Variants in ANKS1B observed in about 807,000 individuals in gnomAD.
ANKS1B encodes ankyrin repeat and sterile alpha motif domain containing 1B.
Under a neutral mutation model 148.3 loss-of-function variants are expected in ANKS1B, and 36 were observed. The observed-to-expected ratio is 0.24, with a 90% CI of 0.19 to 0.32. The LOEUF is 0.32. Among genes scored for constraint, ANKS1B ranks in the 10% least tolerant of loss-of-function variants. The probability of loss-of-function intolerance (pLI) is 1.00; values close to 1 mark genes in which losing one functional copy is unlikely to be tolerated. For missense variants in ANKS1B, 1,157 were observed against 1,542.6 expected, an observed-to-expected ratio of 0.75 and a Z score of 4.19; for synonymous variants, 542 against 560.8, an observed-to-expected ratio of 0.97 and a Z score of 0.47.
Position 99,984,747 on chromosome 12 carries a change from C to CGCGGCGGGGAGGAGCGCG in ANKS1B, c.-528_-511dup, listed in dbSNP as rs1481885971. ...TCGGCGGTTACGCGGGGGCGGCGTCCGCGGCGGGGAGGAGCGCGGCGGCGG... is the reference window on the plus strand; with the variant it reads ...TCGGCGGTTACGCGGGGGCGGCGTCCGCGGCGGGGAGGAGCGCGGCGGCGGGGAGGAGCGCGGCGGCGG... On this transcript the variant is annotated 5_prime_UTR_variant, in exon 1 of 27. Coordinates refer to ENST00000683438, the MANE Select transcript of ANKS1B (RefSeq NM_001352186.2). 1.3e-5 allele frequency: 2 copies of CGCGGCGGGGAGGAGCGCG among 149,198 alleles called. No homozygotes were observed. The highest frequency in any genetic ancestry group is 4.9e-5 in the African/African-American group (2 of 40,922). The allele number at this position is 149,198 out of a possible 1,614,324, so 9.2% of individuals were successfully genotyped here.
intron 12 of ANKS1B, among the ~76,000 whole-genome samples, chr12:99,386,962 A>G (rs2093884730): frequency 6.6e-6 from 1 of 152,242 alleles, no homozygotes; most frequent in African/African-American, 2.4e-5. Context: ...CAGTGATTCA[A>G]TAATTTGCCA....
chr12:99,123,419 T>C (rs1029655985), intron 15 of ANKS1B, among the ~76,000 whole-genome samples: 4 of 152,142 alleles, frequency 2.6e-5, no homozygotes, highest in African/African-American at 9.7e-5. Flanking sequence ...CCTGTATGAC[T>C]GGGGTATTAG....
chr12:98,780,982 T>C, intron 24 of ANKS1B, 135 bp downstream of exon 24: 3 of 609,062 alleles, frequency 4.9e-6, no homozygotes, highest in African/African-American at 1.9e-5. Flanking sequence ...TATAGGTATA[T>C]GTAGGAAGCA....
intron 1 of ANKS1B, among the ~76,000 whole-genome samples, chr12:99,861,636 GCT>G (rs767293908): frequency 4.6e-5 from 7 of 152,070 alleles, no homozygotes; most frequent in Non-Finnish European, 8.8e-5. Flanking sequence ...AAGCCCAAAA[GCT>G]CTGATATCTC....
intron 12 of ANKS1B, among the ~76,000 whole-genome samples, chr12:99,364,217 A>C (rs2092643898): frequency 6.6e-6 from 1 of 152,150 alleles, no homozygotes; most frequent in Non-Finnish European, 1.5e-5. Context: ...GGACTCATGC[A>C]AAGTACAGTG....
intron 9 of ANKS1B, among the ~76,000 whole-genome samples, chr12:99,608,438 G>A (rs2097868373): frequency 6.6e-6 from 1 of 152,122 alleles, no homozygotes; most frequent in Admixed American, 6.6e-5. Flanking sequence ...TAATACCTGT[G>A]AATTTGGAAA....
rs191318960 is a variant in ANKS1B at position 99,086,554 on chromosome 12, G to C, written c.2527-1531C>G. 2.0e-5 allele frequency among the ~76,000 whole-genome samples: 3 copies of C among 152,208 alleles called. No homozygotes were observed. The East Asian group carries it at 5.8e-4, about 29-fold the overall frequency. On this transcript the variant is annotated intron_variant, in intron 15 of 26. Transcript: ENST00000683438. ...ATTTAGAAACATTATTTTGATTTCT[G>C]GGGCTGGGCCTCAGTTTCCCTACCT...
intron 11 of ANKS1B, among the ~76,000 whole-genome samples, chr12:99,442,513 T>TTA (rs1555433625): frequency 3.6e-5 from 2 of 55,334 alleles, no homozygotes; most frequent in African/African-American, 3.7e-4. Flanking sequence ...TATACTAAAG[T>TTA]AAAAAAAAAG....
intron 17 of ANKS1B, among the ~76,000 whole-genome samples, chr12:98,858,216 G>T (rs1355391752): frequency 6.6e-6 from 1 of 152,176 alleles, no homozygotes; most frequent in Non-Finnish European, 1.5e-5. Context: ...TGAAAAGACA[G>T]CTCTAGATTA....
At chr12:99,349,447 C>A (rs1174805444) in intron 12 of ANKS1B, among the ~76,000 whole-genome samples, 1 of 151,546 alleles carries the variant, frequency 6.6e-6, no homozygotes, top group Non-Finnish European at 1.5e-5. Flanking sequence ...CATTTTAGAT[C>A]CAAAGACACA....
At chr12:99,459,679 T>G (rs1309186904) in intron 10 of ANKS1B, among the ~76,000 whole-genome samples, 1 of 150,504 alleles carries the variant, frequency 6.6e-6, no homozygotes, top group Non-Finnish European at 1.5e-5. Flanking sequence ...AAAAAAAAAT[T>G]AGGAATATAC....
At chr12:99,612,143 G>A (rs936455595) in intron 9 of ANKS1B, among the ~76,000 whole-genome samples, 1 of 152,056 alleles carries the variant, frequency 6.6e-6, no homozygotes, top group South Asian at 2.1e-4. Context: ...TAAGCCCCAA[G>A]CAATGCAAAG....
chr12:99,279,785 G>T (rs765058621), intron 12 of ANKS1B, among the ~76,000 whole-genome samples: 3 of 152,028 alleles, frequency 2.0e-5, no homozygotes, highest in Admixed American at 6.6e-5. Context: ...AGGCCAAGGT[G>T]GGTGGATCAC....
At chr12:99,938,586 A>G (rs2094838105) in intron 1 of ANKS1B, among the ~76,000 whole-genome samples, 1 of 152,200 alleles carries the variant, frequency 6.6e-6, no homozygotes, top group South Asian at 2.1e-4. Context: ...CATAAGAGGT[A>G]AACTCAAGTA....
chr12:99,220,772 G>A (rs1310805619), intron 14 of ANKS1B, among the ~76,000 whole-genome samples: 2 of 151,904 alleles, frequency 1.3e-5, no homozygotes, highest in East Asian at 1.9e-4. Context: ...TAATCAGTGA[G>A]GATGACAAGG....
chr12:99,521,408 T>G (rs1265242018), intron 9 of ANKS1B, among the ~76,000 whole-genome samples: 1 of 152,156 alleles, frequency 6.6e-6, no homozygotes, highest in African/African-American at 2.4e-5. Flanking sequence ...CTGAGTTTAT[T>G]TGGTGAGGTC....
chr12:99,607,346 CTAAAAGT>C (rs1426495079), intron 9 of ANKS1B, among the ~76,000 whole-genome samples: 1 of 151,784 alleles, frequency 6.6e-6, no homozygotes, highest in Non-Finnish European at 1.5e-5. Flanking sequence ...ATCAAAGAAG[CTAAAAGT>C]TAAAAGTTAA....
At chr12:99,345,895 C>T (rs1043379812) in intron 12 of ANKS1B, among the ~76,000 whole-genome samples, 3 of 151,962 alleles carry the variant, frequency 2.0e-5, no homozygotes, top group South Asian at 2.1e-4. Context: ...ATAACCTTCA[C>T]AAAATTAGTT....
chr12:99,190,610 T>C (rs527630140), intron 14 of ANKS1B, among the ~76,000 whole-genome samples: 1 of 152,292 alleles, frequency 6.6e-6, no homozygotes, highest in South Asian at 2.1e-4. Flanking sequence ...CCCTATTTAA[T>C]AAATACTGCT....
Sources: gnomAD v4.1 joint callset for allele counts (sites outside exome capture counted in the v4.1 genomes callset) on GRCh38, gnomAD v4.1.1 for gene constraint, MANE v1.5 for transcripts, NCBI Gene and HGNC (gene_info 2026-07-23, HGNC 2026-07-21) for gene names.